PFKM: variants seen among roughly 807,000 people sequenced by gnomAD.
PFKM encodes phosphofructokinase, muscle.
Under a neutral mutation model 95.5 loss-of-function variants are expected in PFKM, and 58 were observed. The observed-to-expected ratio is 0.61, with a 90% CI of 0.49 to 0.76. The LOEUF (loss-of-function observed/expected upper bound fraction) is 0.76. Ranked by LOEUF, PFKM falls within the 30% of genes least tolerant of loss-of-function variation. The probability of loss-of-function intolerance (pLI) is 0.00; values close to 1 mark genes in which losing one functional copy is unlikely to be tolerated. For missense variants in PFKM, 678 were observed against 1,005.4 expected (o/e 0.67, Z 4.40); for synonymous variants, 336 against 357.2 (o/e 0.94, Z 0.67).
chr12:48,106,368 G>C, intron 1 of PFKM: 2 of 479,506 alleles, frequency 4.2e-6, no homozygotes, highest in Non-Finnish European at 7.4e-6. Context: ...CTTACCCGCC[G>C]CCTTCTGGTT....
Position 48,141,784 on chromosome 12 carries a change from C to T in PFKM, c.1457C>T (p.Thr486Ile). ...KSFEQISANITKFNIQGLVII... is the reference protein window; with the variant it reads ...KSFEQISANIIKFNIQGLVII... ...TTTGAACAGATCAGTGCCAATATAA[C>T]TAAGTTTAACATTCAGGGCCTTGTC... The change falls in exon 16 of 23, where the codon ACT (threonine) becomes ATT (isoleucine). Residue 486 changes from threonine (T) to isoleucine (I), a missense_variant. Thr to Ile is a moderately conservative substitution (Grantham distance 89). Transcript: ENST00000359794. 6.2e-7 allele frequency: 1 copy of T among 1,613,984 alleles called. No homozygotes were observed. The highest frequency in any genetic ancestry group is 8.5e-7 in the Non-Finnish European group (1 of 1,179,882).
chr12:48,139,249 C>G, intron 11 of PFKM, 36 bp from the exon 12 acceptor site: 1 of 1,545,156 alleles, frequency 6.5e-7, no homozygotes, highest in Non-Finnish European at 8.9e-7. Flanking sequence ...GAATCCTGAC[C>G]CTGGAGTTGA....
intron 2 of PFKM, 63 bp downstream of exon 2, chr12:48,122,922 C>G: frequency 7.5e-6 from 11 of 1,466,132 alleles, no homozygotes; most frequent in Admixed American, 1.7e-5. Flanking sequence ...ACTCCCTTAG[C>G]CTATACAATA....
intron 2 of PFKM, among the ~76,000 whole-genome samples, chr12:48,124,068 T>C (rs754515621): frequency 6.6e-6 from 1 of 152,226 alleles, no homozygotes; most frequent in Non-Finnish European, 1.5e-5. Flanking sequence ...GGTTCACCAG[T>C]GATACATCAG....
chr12:48,141,281 T>C, intron 14 of PFKM, 30 bp from the exon 15 acceptor site: 1 of 1,605,160 alleles, frequency 6.2e-7, no homozygotes, highest in Non-Finnish European at 8.5e-7. Context: ...GCTTTAGCCT[T>C]GTGCAGAGCT....
intron 2 of PFKM, among the ~76,000 whole-genome samples, chr12:48,128,640 A>G (rs377316467): frequency 1.3e-5 from 2 of 148,838 alleles, no homozygotes; most frequent in Non-Finnish European, 3.1e-5. Flanking sequence ...TGCAAAAAAA[A>G]GAAACATTTT....
intron 19 of PFKM, 57 bp downstream of exon 19, chr12:48,143,871 C>T: frequency 7.2e-7 from 1 of 1,395,832 alleles, no homozygotes; most frequent in Middle Eastern, 1.8e-4. Flanking sequence ...TTGGCTCAAA[C>T]CCATAGAATG....
At chr12:48,122,977 AAAT>A in intron 2 of PFKM, 118 bp downstream of exon 2, 1 of 991,278 alleles carries the variant, frequency 1.0e-6, no homozygotes, top group Middle Eastern at 2.2e-4. Context: ...GCTTTGCTAA[AAAT>A]TTCTGTGAGG....
Position 48,140,782 on chromosome 12 carries a change from G to T in PFKM, c.1252G>T (p.Ala418Ser), listed in dbSNP as rs949867691. 6.2e-7 allele frequency: 1 copy of T among 1,614,072 alleles called. No individual in the cohort carries two copies. The highest frequency in any genetic ancestry group is 1.3e-5 in the African/African-American group (1 of 74,936). The change falls in exon 14 of 23, where the codon GCT becomes TCT. Residue 418 changes from alanine to serine, a missense_variant. Physicochemically the swap from Ala to Ser is moderately conservative, Grantham distance 99. Coordinates refer to ENST00000359794, the MANE Select transcript of PFKM (RefSeq NM_000289.6). ...GGCTCCGGCTGCAGGCATGAATGCT[G>T]CTGTTCGCTCCACTGTGAGGATTGG... ...VGAPAAGMNA[A>S]VRSTVRIGLI...
chr12:48,118,749 C>T (rs1162246837), upstream of PFKM, among the ~76,000 whole-genome samples: 2 of 152,178 alleles, frequency 1.3e-5, no homozygotes, highest in African/African-American at 4.8e-5. Context: ...CACGCCCTTC[C>T]CTCTTGACAC....
At chr12:48,140,291 G>A (rs965459149) in intron 13 of PFKM, among the ~76,000 whole-genome samples, 2 of 152,158 alleles carry the variant, frequency 1.3e-5, no homozygotes, top group Non-Finnish European at 2.9e-5. Flanking sequence ...GTATATATCA[G>A]AATTGTTTGG....
chr12:48,108,283 C>A, intron 3 of PFKM: 2 of 1,188,160 alleles, frequency 1.7e-6, no homozygotes, highest in Non-Finnish European at 2.3e-6. Context: ...CAGCGTAGAC[C>A]TACTAAAGCT....
intron 1 of PFKM, among the ~76,000 whole-genome samples, chr12:48,106,954 G>A (rs2061439558): frequency 6.6e-6 from 1 of 152,220 alleles, no homozygotes; most frequent in Non-Finnish European, 1.5e-5. Context: ...CTTTCTAAGA[G>A]AACATAATGG....
Position 48,146,100 on chromosome 12 carries a change from CTG to C in PFKM, c.*395_*396del. ...TACACTAATAAATGCCAACTGGTCA[CTG>C]TGCTTTTGCTTCTCCTGTTATCATC... is the stretch of plus-strand genomic sequence containing the variant. On this transcript the variant is annotated 3_prime_UTR_variant, in exon 23 of 23. Transcript: ENST00000359794. 1 of 262,724 alleles carries C rather than the reference CTG, an allele frequency of 3.8e-6. No individual in the cohort carries two copies. The highest frequency in any genetic ancestry group is 7.5e-6 in the Non-Finnish European group (1 of 133,420). The allele number at this position is 262,724 out of a possible 1,614,324, so 16.3% of individuals were successfully genotyped here. A position where few individuals can be genotyped will look rare whatever the true frequency, so the allele number is the denominator to read the frequency against.
upstream of PFKM, chr12:48,118,371 G>A (rs893096893): frequency 1.9e-5 from 12 of 644,290 alleles, no homozygotes; most frequent in African/African-American, 1.4e-4. Context: ...CATTCTGTGG[G>A]TTGTCTTTCC....
At chr12:48,123,630 TAGAA>T (rs760849744) in intron 2 of PFKM, among the ~76,000 whole-genome samples, 5 of 152,164 alleles carry the variant, frequency 3.3e-5, no homozygotes, top group Non-Finnish European at 5.9e-5. Context: ...TGGAGACAAT[TAGAA>T]AGAGAGAAGG....
intron 12 of PFKM, 140 bp from the exon 13 acceptor site, chr12:48,139,709 C>T: frequency 1.4e-6 from 1 of 719,386 alleles, no homozygotes; most frequent in Admixed American, 2.0e-5. Context: ...TGCCCTGTCC[C>T]TGCTCTGCCC....
intron 1 of PFKM, chr12:48,106,223 G>A: frequency 1.5e-6 from 1 of 655,106 alleles, no homozygotes; most frequent in Non-Finnish European, 2.8e-6. Flanking sequence ...GGCGAGGCCC[G>A]AGAAGCGAAG....
rs1017588293 is a variant in PFKM at position 48,135,228 on chromosome 12, C to T, written c.844-63C>T. On this transcript the variant is annotated intron_variant, in intron 9 of 22. Transcript: ENST00000359794. ...AGCTGTCCATGGTTTACCCAAGTCT[C>T]TGCTTGTTTTCTTCCTTTGACTCTG... 14 of 1,415,136 alleles carry T rather than the reference C, an allele frequency of 9.9e-6. No homozygotes were observed. The African/African-American group carries it at 1.7e-4, about 17-fold the overall frequency. The allele number at this position is 1,415,136 out of a possible 1,614,324, so 87.7% of individuals were successfully genotyped here. A position where few individuals can be genotyped will look rare whatever the true frequency, so the allele number is the denominator to read the frequency against.
Sources: gnomAD v4.1 joint callset for allele counts (sites outside exome capture counted in the v4.1 genomes callset) on GRCh38, gnomAD v4.1.1 for gene constraint, MANE v1.5 for transcripts, NCBI Gene and HGNC (gene_info 2026-07-23, HGNC 2026-07-21) for gene names.